Variants in TMC1 observed in about 807,000 individuals in gnomAD.
The protein encoded by TMC1 is transmembrane channel-like protein 1.
In TMC1, 84 loss-of-function variants were observed where a neutral mutation model predicts 105.8. The ratio of observed to expected loss-of-function variants is 0.79; its 90% CI spans 0.67 to 0.95. The LOEUF is 0.95. Among genes scored for constraint, TMC1 ranks in the 40% least tolerant of loss-of-function variants. The pLI is 0.00. For synonymous variants in TMC1, 315 were observed against 311.5 expected, an observed-to-expected ratio of 1.01 and a Z score of -0.12; for missense variants, 817 against 914.1, an observed-to-expected ratio of 0.89 and a Z score of 1.37.
intron 13 of TMC1, among the ~76,000 whole-genome samples, chr9:72,777,557 C>G (rs1481867666): frequency 6.6e-6 from 1 of 152,184 alleles, no homozygotes; most frequent in Admixed American, 6.5e-5. Context: ...CTTCCTCAAA[C>G]TATAGTTGAC....
intron 17 of TMC1, 76 bp from the exon 18 acceptor site, chr9:72,805,306 A>G (rs2118238503): frequency 1.3e-6 from 2 of 1,535,076 alleles, no homozygotes; most frequent in Non-Finnish European, 1.8e-6. Flanking sequence ...CTTTAGAAAT[A>G]TGACAGATTT....
At chr9:72,587,627 G>A (rs1824575757) in intron 2 of TMC1, among the ~76,000 whole-genome samples, 1 of 152,178 alleles carries the variant, frequency 6.6e-6, no homozygotes, top group Admixed American at 6.5e-5. Context: ...ACCACTATGA[G>A]AGGGGGAAGG....
intron 1 of TMC1, among the ~76,000 whole-genome samples, chr9:72,574,625 A>G (rs892066914): frequency 1.3e-5 from 2 of 152,216 alleles, no homozygotes; most frequent in African/African-American, 4.8e-5. Context: ...CCTGCTAACC[A>G]CAGGAAGCTG....
intron 1 of TMC1, among the ~76,000 whole-genome samples, chr9:72,542,563 T>A (rs1823696274): frequency 6.6e-6 from 1 of 150,518 alleles, no homozygotes; most frequent in Non-Finnish European, 1.5e-5. Flanking sequence ...GAGGTTGCAG[T>A]GAGCTGACAT....
intron 1 of TMC1, among the ~76,000 whole-genome samples, chr9:72,525,142 A>G (rs1823384386): frequency 6.6e-6 from 1 of 152,230 alleles, no homozygotes; most frequent in East Asian, 1.9e-4. Flanking sequence ...GTGTCCAAAT[A>G]TAATAGCTTA....
chr9:72,649,425 A>AT (rs1393620941), intron 5 of TMC1, among the ~76,000 whole-genome samples: 3 of 152,300 alleles, frequency 2.0e-5, no homozygotes, highest in South Asian at 4.1e-4. Context: ...TAATCTTGCT[A>AT]TCAGTCATTT....
At chr9:72,700,420 T>A (rs1826623214) in intron 7 of TMC1, 98 bp from the exon 8 acceptor site, 4 of 1,040,590 alleles carry the variant, frequency 3.8e-6, no homozygotes, top group Non-Finnish European at 5.5e-6. Flanking sequence ...TGGTTACATT[T>A]AAAAAAAATG....
intron 8 of TMC1, among the ~76,000 whole-genome samples, chr9:72,719,767 A>G (rs536427403): frequency 3.2e-4 from 48 of 152,328 alleles, no homozygotes; most frequent in African/African-American, 1.1e-3. Context: ...CAATAACTCA[A>G]CCAAAGCACA....
chr9:72,684,726 A>G (rs1210001362), intron 5 of TMC1, among the ~76,000 whole-genome samples: 1 of 152,140 alleles, frequency 6.6e-6, no homozygotes, highest in East Asian at 1.9e-4. Context: ...TAAAGTCCTG[A>G]TCTTTAACAG....
At chr9:72,621,853 T>C (rs191757941) in intron 3 of TMC1, among the ~76,000 whole-genome samples, 12 of 152,334 alleles carry the variant, frequency 7.9e-5, no homozygotes, top group African/African-American at 2.6e-4. Flanking sequence ...AAATAGTTTG[T>C]CTTGTTAATT....
intron 1 of TMC1, among the ~76,000 whole-genome samples, chr9:72,576,140 G>A (rs745330560): frequency 1.3e-5 from 2 of 152,192 alleles, no homozygotes; most frequent in Non-Finnish European, 2.9e-5. Context: ...AAACTAAGCT[G>A]TAGGAAATCA....
intron 5 of TMC1, among the ~76,000 whole-genome samples, chr9:72,651,993 G>T (rs199624819): frequency 6.6e-6 from 1 of 152,080 alleles, no homozygotes; most frequent in East Asian, 1.9e-4. Context: ...AATTGTGAGT[G>T]AGAACATATG....
At position 72,823,983 on chromosome 9, in the gene TMC1, A is replaced by T. The variant is rs186592232; in HGVS notation, c.2004-2886A>T. 2.1e-3 allele frequency among the ~76,000 whole-genome samples: 321 copies of T among 152,300 alleles called. 3 individuals carry two copies. Among genetic ancestry groups the T allele is most frequent in the Non-Finnish European group, 3.5e-3 (240 of 68,024 alleles). On this transcript the variant is annotated intron_variant, in intron 20 of 23. Coordinates refer to ENST00000297784, the MANE Select transcript of TMC1 (RefSeq NM_138691.3). ...TTTCATGCATGATTTTTCATAACTG[A>T]GCTTGTACTGACACAGGATGTTTCT... is the stretch of plus-strand genomic sequence containing the variant.
chr9:72,763,289 A>G (rs1827784729), intron 12 of TMC1, among the ~76,000 whole-genome samples: 1 of 152,150 alleles, frequency 6.6e-6, no homozygotes, highest in Admixed American at 6.6e-5. Context: ...TCATTAACAT[A>G]GTAAACATTT....
At chr9:72,835,265 G>T (rs1309414325) in intron 23 of TMC1, among the ~76,000 whole-genome samples, 1 of 152,160 alleles carries the variant, frequency 6.6e-6, no homozygotes, top group Non-Finnish European at 1.5e-5. Context: ...GAGAACAATG[G>T]TTTTATGTCC....
At chr9:72,819,569 C>T (rs768491905) in intron 19 of TMC1, among the ~76,000 whole-genome samples, 5 of 152,144 alleles carry the variant, frequency 3.3e-5, no homozygotes, top group Admixed American at 6.5e-5. Flanking sequence ...AAATATCATT[C>T]GTATCTATTG....
At chr9:72,712,329 G>C (rs1042208897) in intron 8 of TMC1, among the ~76,000 whole-genome samples, 13 of 152,022 alleles carry the variant, frequency 8.6e-5, no homozygotes, top group South Asian at 8.3e-4. Flanking sequence ...GTTTGATGGG[G>C]ATAGCATTGA....
chr9:72,623,473 G>T (rs1273884378), intron 3 of TMC1, among the ~76,000 whole-genome samples: 2 of 152,042 alleles, frequency 1.3e-5, no homozygotes, highest in Non-Finnish European at 2.9e-5. Flanking sequence ...CCAGGTCAGT[G>T]GGGACATTAA....
intron 1 of TMC1, among the ~76,000 whole-genome samples, chr9:72,523,621 T>C (rs1360178495): frequency 6.7e-6 from 1 of 150,210 alleles, no homozygotes; most frequent in African/African-American, 2.5e-5. Flanking sequence ...TTGAATAGGC[T>C]GAAGGAGGAG....
Sources: allele counts gnomAD v4.1 joint callset (sites outside exome capture counted in the v4.1 genomes callset), GRCh38; gene constraint gnomAD v4.1.1; transcripts MANE v1.5; gene names NCBI Gene and HGNC (gene_info 2026-07-23, HGNC 2026-07-21).